RHOBTB2: variants seen among roughly 807,000 people sequenced by gnomAD.
RHOBTB2 encodes Rho related BTB domain containing 2.
Under a neutral mutation model 66.5 loss-of-function variants are expected in RHOBTB2, and 39 were observed. The ratio of observed to expected loss-of-function variants is 0.59; its 90% CI spans 0.45 to 0.77. The LOEUF is 0.77. Ranked by LOEUF, RHOBTB2 falls within the 30% of genes least tolerant of loss-of-function variation. The pLI is 0.00. For missense variants in RHOBTB2, 755 were observed against 999.1 expected, an observed-to-expected ratio of 0.76 and a Z score of 3.29; for synonymous variants, 390 against 395.0, an observed-to-expected ratio of 0.99 and a Z score of 0.15.
chr8:22,989,936 C>T (rs554199406), intron 1 of RHOBTB2, among the ~76,000 whole-genome samples: 14 of 152,314 alleles, frequency 9.2e-5, no homozygotes, highest in African/African-American at 3.4e-4. Flanking sequence ...CTCAGAGCTC[C>T]AGTTTCCTTC....
At position 23,006,862 on chromosome 8, in the gene RHOBTB2, C is replaced by G. The variant is rs1810967346; in HGVS notation, c.617C>G (p.Ala206Gly). ...IKDVFDNAIRAALISRRHLQF... is the reference protein window; with the variant it reads ...IKDVFDNAIRGALISRRHLQF... ...GACGTCTTTGACAACGCCATCCGAG[C>G]TGCACTCATCTCCCGCCGCCACCTG... The change falls in exon 5 of 10, where the codon GCT (alanine) becomes GGT (glycine). Residue 206 changes from alanine (A) to glycine (G), a missense_variant. Ala to Gly is a moderately conservative substitution (Grantham distance 60, BLOSUM62 0). Transcript: ENST00000251822. This position sits in a 1 kb window ranked among gnomAD's most constrained non-coding sequence, Gnocchi z 6.1. 2.5e-6 allele frequency: 4 copies of G among 1,614,040 alleles called. No homozygotes were observed. Among genetic ancestry groups the G allele is most frequent in the Non-Finnish European group, 2.5e-6 (3 of 1,180,034 alleles).
chr8:23,006,812 C>T lies in RHOBTB2; in HGVS notation c.567C>T (p.Ser189=), dbSNP rs777997666. 9.3e-6 allele frequency: 15 copies of T among 1,614,034 alleles called. No homozygotes were observed. In the South Asian group the frequency reaches 9.9e-5, roughly 11 times the overall value. Residue 189 remains serine (S), a synonymous_variant, in exon 5 of 10, where the codon AGC becomes AGT. Coordinates refer to ENST00000251822, the MANE Select transcript of RHOBTB2 (RefSeq NM_015178.3). This position sits in a 1 kb window ranked among gnomAD's most constrained non-coding sequence, Gnocchi z 6.1. The stretch of plus-strand genomic sequence containing the variant: ...TGGGCATCCCCTACTATGAGACCAG[C>T]GTGGTGGCCCAGTTCGGCATCAAGG... ...KELGIPYYET[S]VVAQFGIKDV...
At chr8:22,972,703 C>T in the RHOBTB2 span, among the ~76,000 whole-genome samples, 3 of 152,354 alleles carry the variant, frequency 2.0e-5, no homozygotes, top group South Asian at 4.1e-4. Context: ...CTACTCCCAG[C>T]GTTTCAGACT....
upstream of RHOBTB2, among the ~76,000 whole-genome samples, chr8:22,997,612 C>T (rs1810611493): frequency 6.6e-6 from 1 of 152,226 alleles, no homozygotes; most frequent in South Asian, 2.1e-4. Context: ...AGGGCATTGG[C>T]TCTAGCTTAC....
chr8:22,984,442 A>G (rs1442089890), upstream of RHOBTB2, among the ~76,000 whole-genome samples: 5 of 152,196 alleles, frequency 3.3e-5, no homozygotes, highest in Admixed American at 2.0e-4. Flanking sequence ...TGACTTAGAT[A>G]TGTGTAATAT....
At position 23,006,364 on chromosome 8, in the gene RHOBTB2, T is replaced by G; in HGVS notation, c.482+219T>G. ...CTATGTAAAGCATCATGAAGAAAAATAGAGAGGAAGAGGTGATATTTGCAT... is the reference window on the plus strand; with the variant it reads ...CTATGTAAAGCATCATGAAGAAAAAGAGAGAGGAAGAGGTGATATTTGCAT... On this transcript the variant is annotated intron_variant, in intron 4 of 9. Coordinates refer to ENST00000251822, the MANE Select transcript of RHOBTB2 (RefSeq NM_015178.3). The surrounding 1 kb of genome is among the most constrained non-coding windows in gnomAD (Gnocchi z 6.1). 1.8e-6 allele frequency: 1 copy of G among 557,128 alleles called. No individual in the cohort carries two copies. The highest frequency in any genetic ancestry group is 3.2e-6 in the Non-Finnish European group (1 of 315,116). The allele number at this position is 557,128 out of a possible 1,614,324, so 34.5% of individuals were successfully genotyped here.
At chr8:22,994,751 G>A, upstream of RHOBTB2, 1 of 762,398 alleles carries the variant, frequency 1.3e-6, no homozygotes, top group Non-Finnish European at 2.2e-6. Context: ...GCAAGCACTA[G>A]ACCAACATAA....
rs1811011827 is a variant in RHOBTB2 at position 23,007,631 on chromosome 8, G to A, written c.1386G>A (p.Met462Ile). Residue 462 changes from methionine to isoleucine, a missense_variant, in exon 5 of 10, where the codon ATG becomes ATA. This residue lies in a region of RHOBTB2 where 353 missense variants were observed against 458.2 expected (regional missense o/e 0.77). Transcript: ENST00000251822. ...AELLEVFDLR[M>I]MVANILNNEA... Reference sequence around the variant, plus strand: ...TGCTCGAGGTCTTTGATCTGCGCATGATGGTGGCCAACATTCTCAACAATG... The same window carrying A: ...TGCTCGAGGTCTTTGATCTGCGCATAATGGTGGCCAACATTCTCAACAATG... 2 of 1,614,206 alleles carry A rather than the reference G, an allele frequency of 1.2e-6. No homozygotes were observed. Among genetic ancestry groups the A allele is most frequent in the Non-Finnish European group, 1.7e-6 (2 of 1,180,040 alleles).
chr8:22,969,454 T>C, the RHOBTB2 span, among the ~76,000 whole-genome samples: 1,103 of 152,244 alleles, frequency 7.2e-3, 15 homozygotes, highest in African/African-American at 0.026. Flanking sequence ...AAAAGTAGCT[T>C]TCCACTCGAA....
chr8:22,995,851 G>A (rs1203034448), upstream of RHOBTB2: 3 of 1,551,584 alleles, frequency 1.9e-6, no homozygotes, highest in Admixed American at 5.9e-5. Flanking sequence ...AGAGGCTGTA[G>A]TGTTCCAGGA....
At chr8:22,977,596 AAG>A in the RHOBTB2 span, among the ~76,000 whole-genome samples, 1 of 151,268 alleles carries the variant, frequency 6.6e-6, no homozygotes, top group African/African-American at 2.4e-5. Flanking sequence ...AAGCTGTTGA[AAG>A]AACAAATTTG....
upstream of RHOBTB2, among the ~76,000 whole-genome samples, chr8:22,997,340 A>G (rs1381156371): frequency 6.6e-6 from 1 of 152,094 alleles, no homozygotes; most frequent in Non-Finnish European, 1.5e-5. Flanking sequence ...TTTGATTTGG[A>G]GAAAGGCTGA....
At chr8:22,994,031 T>C (rs1810485199) in intron 2 of RHOBTB2, among the ~76,000 whole-genome samples, 1 of 152,224 alleles carries the variant, frequency 6.6e-6, no homozygotes, top group Admixed American at 6.5e-5. Flanking sequence ...AGCTGGTCTT[T>C]TTCTGAGTCT....
chr8:23,011,856 G>C (rs1278674705), intron 7 of RHOBTB2, among the ~76,000 whole-genome samples: 1 of 152,224 alleles, frequency 6.6e-6, no homozygotes, highest in African/African-American at 2.4e-5. Context: ...TGTCAGAGCT[G>C]CTGGGGTCCA....
upstream of RHOBTB2, among the ~76,000 whole-genome samples, chr8:22,995,297 T>A (rs1159870005): frequency 6.6e-6 from 1 of 152,092 alleles, no homozygotes; most frequent in East Asian, 1.9e-4. Context: ...GAAAGAGAAA[T>A]CTGCATCCTG....
chr8:22,994,981 G>A (rs761379337), upstream of RHOBTB2, among the ~76,000 whole-genome samples: 1 of 152,182 alleles, frequency 6.6e-6, no homozygotes, highest in Non-Finnish European at 1.5e-5. Flanking sequence ...GGCCAGGCTG[G>A]TCTCAAACTC....
rs191947690 is a variant in RHOBTB2, at chr8:23,015,476, C to T, written c.1861-162C>T. On this transcript the variant is annotated intron_variant, in intron 8 of 9. Transcript: ENST00000251822. ...AAGGAGCCTGAGGCAGCATCATCAT[C>T]CTCAGTTTTGTGTGGCCTTGCCTCT... Among the ~76,000 whole-genome samples the T allele has an allele frequency of 9.7e-4, 147 of 152,190 alleles. 1 individual carries two copies. Among genetic ancestry groups the T allele is most frequent in the African/African-American group, 3.5e-3 (146 of 41,522 alleles).
intron 6 of RHOBTB2, 140 bp downstream of exon 6, chr8:23,008,251 G>A: frequency 1.6e-6 from 1 of 641,698 alleles, no homozygotes; most frequent in Non-Finnish European, 2.7e-6. Flanking sequence ...GGTTTATGAG[G>A]TGGTTCTTGG....
At chr8:22,969,112 T>C in the RHOBTB2 span, among the ~76,000 whole-genome samples, 1 of 152,082 alleles carries the variant, frequency 6.6e-6, no homozygotes, top group Admixed American at 6.5e-5. Flanking sequence ...GGCCTCACAA[T>C]CATGGCGGAA....
Sources: gnomAD v4.1 joint callset for allele counts (sites outside exome capture counted in the v4.1 genomes callset) on GRCh38, gnomAD v4.1.1 for gene constraint, gnomAD v4.1.1 regional missense constraint, Gnocchi (gnomAD v3.1) non-coding constraint, MANE v1.5 for transcripts, NCBI Gene and HGNC (gene_info 2026-07-23, HGNC 2026-07-21) for gene names.